Variants in MYO9A observed in about 807,000 individuals in gnomAD.
MYO9A encodes the protein unconventional myosin-IXa.
A neutral mutation model predicts 293.3 loss-of-function variants in MYO9A; 103 were observed. That is an observed-to-expected ratio of 0.35 (90% confidence interval 0.30 to 0.41). The LOEUF (loss-of-function observed/expected upper bound fraction) is 0.41. Ranked by LOEUF, MYO9A falls within the 10% of genes least tolerant of loss-of-function variation. The pLI, the probability that MYO9A is intolerant of heterozygous loss-of-function variation, is 1.00. For synonymous variants in MYO9A, 1,001 were observed against 1,035.7 expected, an observed-to-expected ratio of 0.97 and a Z score of 0.64; for missense variants, 2,685 against 3,033.0, an observed-to-expected ratio of 0.89 and a Z score of 2.69.
chr15:71,830,372 C>G, intron 39 of MYO9A, 61 bp from the exon 40 acceptor site: 2 of 1,478,774 alleles, frequency 1.4e-6, no homozygotes, highest in Non-Finnish European at 1.9e-6. Context: ...TTACATTGCT[C>G]TTTTAGGATA....
intron 28 of MYO9A, 64 bp from the exon 29 acceptor site, chr15:71,880,622 C>A: frequency 7.2e-7 from 1 of 1,381,790 alleles, no homozygotes; most frequent in Admixed American, 2.2e-5. Context: ...ATCTTCACAT[C>A]CTTCTTTTTA....
At chr15:72,049,117 A>C (rs1300870686) in intron 1 of MYO9A, among the ~76,000 whole-genome samples, 2 of 152,212 alleles carry the variant, frequency 1.3e-5, no homozygotes, top group African/African-American at 4.8e-5. Context: ...ATTTAGCTTT[A>C]CAAGTGCACT....
At position 71,826,559 on chromosome 15, in the gene MYO9A, G is replaced by GAGGGACACAC. The variant is rs2054508605; in HGVS notation, c.*11_*20dup. On this transcript the variant is annotated 3_prime_UTR_variant, in exon 42 of 42. Coordinates refer to ENST00000356056, the MANE Select transcript of MYO9A (RefSeq NM_006901.4). Reference sequence around the variant, plus strand: ...ATTTGTTTACCACTCTGTAGCCACGGAGGGACACACATCTGCCGGTTCAGA... The same window carrying GAGGGACACAC: ...ATTTGTTTACCACTCTGTAGCCACGGAGGGACACACAGGGACACACATCTGCCGGTTCAGA... 1.3e-6 allele frequency: 2 copies of GAGGGACACAC among 1,555,604 alleles called. No homozygotes were observed. Among genetic ancestry groups the GAGGGACACAC allele is most frequent in the Non-Finnish European group, 1.7e-6 (2 of 1,156,582 alleles).
Position 71,905,493 on chromosome 15 carries a change from G to T in MYO9A, c.2686-487C>A, listed in dbSNP as rs553280758. ...GTGGCTAGAAATTTATCAACTTTTTGATTTGCTCAGCCCAGGCATGGTGGC... is the reference window on the plus strand; with the variant it reads ...GTGGCTAGAAATTTATCAACTTTTTTATTTGCTCAGCCCAGGCATGGTGGC... On this transcript the variant is annotated intron_variant, in intron 19 of 41. Transcript: ENST00000356056. 4.6e-5 allele frequency among the ~76,000 whole-genome samples: 7 copies of T among 151,752 alleles called. No individual in the cohort carries two copies. The East Asian group carries it at 7.7e-4, about 17-fold the overall frequency.
In MYO9A at chr15:71,831,785, C is replaced by A. The variant is rs762173831; in HGVS notation, c.6838-1474G>T. On this transcript the variant is annotated intron_variant, in intron 39 of 41. Coordinates refer to ENST00000356056, the MANE Select transcript of MYO9A (RefSeq NM_006901.4). The stretch of plus-strand genomic sequence containing the variant: ...GTAACAGGCACAAAAGGAGACAGGA[C>A]AATGTAAATGAAAACTAGTAAAAAT... Among the ~76,000 whole-genome samples the A allele has an allele frequency of 2.0e-5, 3 of 152,096 alleles. 1 individual carries two copies. In the East Asian group the frequency reaches 5.8e-4, roughly 29 times the overall value.
At chr15:72,011,584 G>A (rs2148973681) in intron 6 of MYO9A, among the ~76,000 whole-genome samples, 1 of 148,420 alleles carries the variant, frequency 6.7e-6, no homozygotes, top group East Asian at 2.1e-4. Flanking sequence ...CAACACGCAT[G>A]ACACCATCTC....
chr15:71,945,701 C>T (rs2058897827), intron 15 of MYO9A, among the ~76,000 whole-genome samples: 1 of 143,386 alleles, frequency 7.0e-6, no homozygotes, highest in African/African-American at 2.5e-5. Flanking sequence ...TTGTTGACTA[C>T]TTCTTTTCAA....
chr15:71,992,620 T>A (rs1171209486), intron 10 of MYO9A, among the ~76,000 whole-genome samples: 1 of 152,076 alleles, frequency 6.6e-6, no homozygotes, highest in Non-Finnish European at 1.5e-5. Context: ...AAAATTAACA[T>A]AAGAGCAATT....
chr15:71,835,956 AG>A (rs767634165), intron 39 of MYO9A, among the ~76,000 whole-genome samples: 22 of 152,112 alleles, frequency 1.4e-4, no homozygotes, highest in Admixed American at 2.6e-4. Context: ...TTATAATAAA[AG>A]GGGAACTGCA....
chr15:71,880,316 C>T lies in MYO9A; in HGVS notation c.5622+19G>A, dbSNP rs200784671. ...TACACAGAGCTGCTCCAGGGCCTGA[C>T]GTGGCAAATAAAGTGTACCTTTTTC... On this transcript the variant is annotated intron_variant, in intron 29 of 41. Transcript: ENST00000356056. 132 of 1,607,446 alleles carry T rather than the reference C, an allele frequency of 8.2e-5. No homozygotes were observed. The highest frequency in any genetic ancestry group is 7.2e-5 in the Non-Finnish European group (85 of 1,174,106).
chr15:72,100,609 G>A (rs1299073016), intron 1 of MYO9A, among the ~76,000 whole-genome samples: 5 of 151,228 alleles, frequency 3.3e-5, no homozygotes, highest in East Asian at 3.9e-4. Flanking sequence ...CCTCTGCCCC[G>A]CCGCCCCGTC....
intron 1 of MYO9A, among the ~76,000 whole-genome samples, chr15:72,055,722 C>T (rs767211110): frequency 2.6e-5 from 4 of 151,936 alleles, no homozygotes; most frequent in African/African-American, 9.7e-5. Context: ...TGCTCAACAG[C>T]ATTAATGATG....
intron 14 of MYO9A, among the ~76,000 whole-genome samples, chr15:71,956,900 G>T (rs1320242839): frequency 6.8e-6 from 1 of 146,158 alleles, no homozygotes; most frequent in Non-Finnish European, 1.5e-5. Flanking sequence ...TGCTTTCAAG[G>T]TTCATTCATA....
At chr15:71,971,862 CTTGGTGTAGTCTT>C (rs1366786966) in intron 12 of MYO9A, among the ~76,000 whole-genome samples, 1 of 151,690 alleles carries the variant, frequency 6.6e-6, no homozygotes, top group East Asian at 1.9e-4. Context: ...TCCTGCAGCC[CTTGGTGTAGTCTT>C]TTGTTATAAT....
chr15:71,852,829 G>A (rs571281900), intron 35 of MYO9A, among the ~76,000 whole-genome samples: 7 of 152,310 alleles, frequency 4.6e-5, no homozygotes, highest in South Asian at 2.1e-4. Flanking sequence ...CAGGAGCAGC[G>A]GCTCATGACT....
intron 1 of MYO9A, among the ~76,000 whole-genome samples, chr15:72,113,607 T>C (rs2080861186): frequency 6.6e-6 from 1 of 152,196 alleles, no homozygotes; most frequent in Non-Finnish European, 1.5e-5. Context: ...TGATTTGATT[T>C]TTATCTGTAC....
intron 14 of MYO9A, among the ~76,000 whole-genome samples, chr15:71,955,665 T>C (rs1472930963): frequency 6.6e-6 from 1 of 152,236 alleles, no homozygotes; most frequent in Admixed American, 6.5e-5. Context: ...TTTTATATGT[T>C]TGTAACAGTT....
rs370552186 is a variant in MYO9A at position 71,893,792 on chromosome 15, A to C, written c.5043-14T>G. ...TCTTTGCTGACACTTTAAATAAAAC[A>C]ATGAAATTACATTTCAGTTCTTAGC... On this transcript the variant is annotated splice_polypyrimidine_tract_variant and intron_variant, in intron 25 of 41. Transcript: ENST00000356056. 7.6e-5 allele frequency: 121 copies of C among 1,600,798 alleles called. No individual in the cohort carries two copies. The East Asian group carries it at 2.5e-3, about 33-fold the overall frequency.
Position 71,950,394 on chromosome 15 carries a change from G to A in MYO9A, c.2302+1383C>T, listed in dbSNP as rs2146515119. ...CAATCAGGTCTGGGGTTGTCAGGCT[G>A]GGTCATGAAAAAACAAAGCAAATAA... is the stretch of plus-strand genomic sequence containing the variant. On this transcript the variant is annotated intron_variant, in intron 15 of 41. Coordinates refer to ENST00000356056, the MANE Select transcript of MYO9A (RefSeq NM_006901.4). 2.0e-5 allele frequency: 3 copies of A among 152,200 alleles called. No homozygotes were observed. In the Middle Eastern group the frequency reaches 0.01, roughly 518 times the overall value. The allele number at this position is 152,200 out of a possible 1,614,324, so 9.4% of individuals were successfully genotyped here.
Sources: allele counts gnomAD v4.1 joint callset (sites outside exome capture counted in the v4.1 genomes callset), GRCh38; gene constraint gnomAD v4.1.1; transcripts MANE v1.5; gene names NCBI Gene and HGNC (gene_info 2026-07-23, HGNC 2026-07-21).